NTRK3: variants seen among roughly 807,000 people sequenced by gnomAD.
NTRK3 encodes NT-3 growth factor receptor.
Under a neutral mutation model 91.7 loss-of-function variants are expected in NTRK3, and 24 were observed. The observed-to-expected ratio is 0.26, with a 90% CI of 0.19 to 0.37. The LOEUF is 0.37. Ranked by LOEUF, NTRK3 falls within the 10% of genes least tolerant of loss-of-function variation. The pLI is 1.00. For missense variants in NTRK3, 880 were observed against 1,068.9 expected (o/e 0.82, Z 2.46); for synonymous variants, 483 against 404.0 (o/e 1.20, Z -2.34).
At chr15:88,113,105 G>A (rs1258771856) in intron 13 of NTRK3, among the ~76,000 whole-genome samples, 2 of 152,112 alleles carry the variant, frequency 1.3e-5, no homozygotes, top group Non-Finnish European at 2.9e-5. Flanking sequence ...AGTCATTACT[G>A]ATCATGTAAG....
intron 14 of NTRK3, among the ~76,000 whole-genome samples, chr15:87,959,704 T>C (rs74375636): frequency 6.6e-6 from 1 of 152,154 alleles, no homozygotes; most frequent in Admixed American, 6.5e-5. Flanking sequence ...TAGAGCTCCA[T>C]CACAGCATTA....
intron 16 of NTRK3, among the ~76,000 whole-genome samples, chr15:87,930,322 G>T (rs2068682939): frequency 6.6e-6 from 1 of 152,186 alleles, no homozygotes; most frequent in African/African-American, 2.4e-5. Context: ...AGAAAGCCCA[G>T]TGAGCCGTAA....
intron 14 of NTRK3, among the ~76,000 whole-genome samples, chr15:88,018,871 G>A (rs1455919254): frequency 2.0e-5 from 3 of 151,986 alleles, no homozygotes; most frequent in African/African-American, 4.8e-5. Context: ...CTGGCCCTTG[G>A]TAAGTATTCA....
chr15:88,177,800 C>T (rs891371645), intron 5 of NTRK3, among the ~76,000 whole-genome samples: 1 of 152,202 alleles, frequency 6.6e-6, no homozygotes, highest in African/African-American at 2.4e-5. Flanking sequence ...TGGAGACCAA[C>T]ATGTGTTGGG....
At chr15:87,864,291 T>C (rs16940924) in exon 19 of NTRK3, 8,058 of 232,168 alleles carry the variant, frequency 0.035, 501 homozygotes, top group African/African-American at 0.14. Flanking sequence ...TCTGATAGAA[T>C]TGGAGGAGCC....
intron 10 of NTRK3, chr15:88,132,050 C>T (rs2041409527): frequency 5.1e-6 from 1 of 195,602 alleles, no homozygotes; most frequent in Admixed American, 6.1e-5. Flanking sequence ...TAATCTTCAC[C>T]ACAACCTTTA....
At chr15:87,943,147 T>C (rs188297211) in intron 14 of NTRK3, among the ~76,000 whole-genome samples, 1 of 152,080 alleles carries the variant, frequency 6.6e-6, no homozygotes, top group East Asian at 1.9e-4. Flanking sequence ...GGCCTGAAAA[T>C]ATGCATTTCT....
chr15:87,931,163 T>C (rs775963963), intron 16 of NTRK3: 1 of 511,040 alleles, frequency 2.0e-6, no homozygotes, highest in South Asian at 1.4e-5. Context: ...CCTTTTATCA[T>C]GTATGACAGT....
intron 17 of NTRK3, among the ~76,000 whole-genome samples, chr15:87,919,452 C>A (rs910309839): frequency 6.6e-6 from 1 of 152,150 alleles, no homozygotes. Context: ...TCCAGATTGC[C>A]GGAGTGTCCC....
intron 10 of NTRK3, among the ~76,000 whole-genome samples, chr15:88,130,084 C>T (rs1001316308): frequency 6.6e-6 from 1 of 152,226 alleles, no homozygotes; most frequent in Admixed American, 6.5e-5. Flanking sequence ...ACACCTTTAT[C>T]TCAGGCTTCC....
chr15:88,017,392 C>T (rs1405746362), intron 14 of NTRK3, among the ~76,000 whole-genome samples: 2 of 152,216 alleles, frequency 1.3e-5, no homozygotes, highest in Non-Finnish European at 2.9e-5. Flanking sequence ...ATTAGCTAAG[C>T]ATCCATGAAG....
intron 13 of NTRK3, among the ~76,000 whole-genome samples, chr15:88,121,095 AT>A (rs1172991134): frequency 3.7e-5 from 5 of 133,572 alleles, no homozygotes; most frequent in African/African-American, 5.9e-5. Context: ...TAATGTATGT[AT>A]TTTTTTTACA....
intron 13 of NTRK3, among the ~76,000 whole-genome samples, chr15:88,100,473 A>G (rs2150863411): frequency 6.6e-6 from 1 of 152,354 alleles, no homozygotes; most frequent in Middle Eastern, 3.4e-3. Context: ...TGGCGGAAAC[A>G]GAGTTTACCA....
Position 88,241,923 on chromosome 15 carries a change from G to A in NTRK3, c.248+13983C>T, listed in dbSNP as rs530142265. Reference sequence around the variant, plus strand: ...TGCTCGGCTGCACACATCCTAGAACGACAATGGAGACCTAGGGACAATGGA... The same window carrying A: ...TGCTCGGCTGCACACATCCTAGAACAACAATGGAGACCTAGGGACAATGGA... On this transcript the variant is annotated intron_variant, in intron 3 of 18. Coordinates refer to ENST00000394480, the Ensembl canonical transcript of NTRK3. The surrounding 1 kb of genome is among the most constrained non-coding windows in gnomAD (Gnocchi z 4.3). 6.6e-6 allele frequency among the ~76,000 whole-genome samples: 1 copy of A among 152,298 alleles called. No individual in the cohort carries two copies. The highest frequency in any genetic ancestry group is 1.9e-4 in the East Asian group (1 of 5,182).
chr15:88,058,000 G>T (rs1405199344), intron 13 of NTRK3, among the ~76,000 whole-genome samples: 1 of 152,244 alleles, frequency 6.6e-6, no homozygotes, highest in Non-Finnish European at 1.5e-5. Context: ...GGAGAGCCGA[G>T]CAGATGCTCA....
chr15:88,022,437 C>T (rs1365784093), intron 14 of NTRK3, among the ~76,000 whole-genome samples: 1 of 152,102 alleles, frequency 6.6e-6, no homozygotes, highest in Non-Finnish European at 1.5e-5. Flanking sequence ...CTTTAAAACT[C>T]CAATACAGAC....
chr15:88,135,862 TCA>T (rs760132666), intron 9 of NTRK3, 35 bp downstream of exon 9: 1 of 1,612,260 alleles, frequency 6.2e-7, no homozygotes, highest in South Asian at 1.1e-5. Context: ...CAGTTGCCCC[TCA>T]CACACAGCCA....
chr15:88,048,048 C>G (rs2080409146), intron 13 of NTRK3, among the ~76,000 whole-genome samples: 1 of 152,152 alleles, frequency 6.6e-6, no homozygotes, highest in Non-Finnish European at 1.5e-5. Flanking sequence ...CTCAGAATAT[C>G]CATATAGGAC....
intron 13 of NTRK3, among the ~76,000 whole-genome samples, chr15:88,043,034 T>G (rs1596933331): frequency 6.6e-6 from 1 of 152,294 alleles, no homozygotes; most frequent in African/African-American, 2.4e-5. Context: ...TGGCTTTGTT[T>G]AGGAAAGAAG....
Sources: gnomAD v4.1 joint callset for allele counts (sites outside exome capture counted in the v4.1 genomes callset) on GRCh38, gnomAD v4.1.1 for gene constraint, Gnocchi (gnomAD v3.1) non-coding constraint, MANE v1.5 for transcripts, NCBI Gene and HGNC (gene_info 2026-07-23, HGNC 2026-07-21) for gene names.